The following CACNA2D3 variants were observed in gnomAD, a reference collection of about 807,000 sequenced individuals.
The protein encoded by CACNA2D3 is voltage-dependent calcium channel subunit alpha-2/delta-3.
In CACNA2D3, 60 loss-of-function variants were observed where a neutral mutation model predicts 160.6. The observed-to-expected ratio is 0.37, with a 90% CI of 0.30 to 0.46. The LOEUF is 0.46. Ranked by LOEUF, CACNA2D3 falls within the 20% of genes least tolerant of loss-of-function variation. The pLI is 1.00. For missense variants in CACNA2D3, 1,205 were observed against 1,365.0 expected, an observed-to-expected ratio of 0.88 and a Z score of 1.85; for synonymous variants, 558 against 492.9, an observed-to-expected ratio of 1.13 and a Z score of -1.75.
chr3:54,515,960 A>G (rs1422679623), intron 5 of CACNA2D3, among the ~76,000 whole-genome samples: 2 of 152,092 alleles, frequency 1.3e-5, no homozygotes, highest in African/African-American at 4.8e-5. Flanking sequence ...GACCCTCGAG[A>G]TGGGAGGCCC....
intron 14 of CACNA2D3, among the ~76,000 whole-genome samples, chr3:54,828,224 G>C (rs988236188): frequency 1.1e-4 from 17 of 152,200 alleles, no homozygotes; most frequent in African/African-American, 3.1e-4. Context: ...AACCACGTTT[G>C]TGAAAATATG....
At chr3:54,403,988 A>G (rs147761319) in intron 4 of CACNA2D3, among the ~76,000 whole-genome samples, 91 of 152,362 alleles carry the variant, frequency 6.0e-4, no homozygotes, top group African/African-American at 1.9e-3. Flanking sequence ...AGATTGAAGT[A>G]GTAATTAAAA....
chr3:54,907,195 GGATGTGGACATAAAAGACAGTGTGAACT>G (rs1700465954), intron 27 of CACNA2D3, among the ~76,000 whole-genome samples: 1 of 152,162 alleles, frequency 6.6e-6, no homozygotes, highest in South Asian at 2.1e-4. Flanking sequence ...GGTCATGGTG[GGATGTGGACATAAAAGACAGTGTGAACT>G]GAGTATTTAT....
intron 10 of CACNA2D3, among the ~76,000 whole-genome samples, chr3:54,635,899 TCAG>T (rs1699359090): frequency 1.3e-5 from 2 of 152,180 alleles, no homozygotes; most frequent in Non-Finnish European, 2.9e-5. Flanking sequence ...GGTGGCCTTC[TCAG>T]ACCCTGTAGG....
intron 31 of CACNA2D3, among the ~76,000 whole-genome samples, chr3:55,002,566 G>A (rs1215738675): frequency 6.6e-6 from 1 of 152,210 alleles, no homozygotes; most frequent in East Asian, 1.9e-4. Flanking sequence ...TTTGTGCGGG[G>A]ACATCCCCAA....
rs115788963 is a variant in CACNA2D3 at position 54,219,171 on chromosome 3, C to T, written c.204+95577C>T. 4.7e-3 allele frequency among the ~76,000 whole-genome samples: 711 copies of T among 152,306 alleles called. 4 individuals are homozygous for T. Among genetic ancestry groups the T allele is most frequent in the African/African-American group, 0.016 (649 of 41,568 alleles). ...ACTTCAATGCATGCTGGAGCTGCCTCGTACCAGCTCTCAAGAGCTGATTGT... is the reference window on the plus strand; with the variant it reads ...ACTTCAATGCATGCTGGAGCTGCCTTGTACCAGCTCTCAAGAGCTGATTGT... On this transcript the variant is annotated intron_variant, in intron 2 of 37. Coordinates refer to ENST00000474759, the MANE Select transcript of CACNA2D3 (RefSeq NM_018398.3).
chr3:55,072,888 G>A (rs566064033), intron 35 of CACNA2D3, among the ~76,000 whole-genome samples: 2 of 152,276 alleles, frequency 1.3e-5, no homozygotes, highest in Non-Finnish European at 2.9e-5. Context: ...TGGGAAGTGT[G>A]GGACCTCATA....
At chr3:54,466,024 A>G (rs183912616) in intron 4 of CACNA2D3, among the ~76,000 whole-genome samples, 11 of 152,280 alleles carry the variant, frequency 7.2e-5, no homozygotes, top group Admixed American at 5.2e-4. Flanking sequence ...CTCCACCTTC[A>G]AAACCACCAA....
chr3:54,203,096 T>C (rs1701207033), intron 2 of CACNA2D3, among the ~76,000 whole-genome samples: 1 of 152,190 alleles, frequency 6.6e-6, no homozygotes, highest in South Asian at 2.1e-4. Flanking sequence ...ATAAGCATTA[T>C]TTCTGCATGT....
rs1701771337 is a variant in CACNA2D3 at position 54,952,078 on chromosome 3, C to G, written c.2450-16372C>G. On this transcript the variant is annotated intron_variant, in intron 27 of 37. Transcript: ENST00000474759. ...TGGCCAGCTGCTCACAAACTCGTGG[C>G]CTCAAGATCTGCCCGCCTCAGCCTC... is the stretch of plus-strand genomic sequence containing the variant. 3.3e-5 allele frequency among the ~76,000 whole-genome samples: 5 copies of G among 152,100 alleles called. No homozygotes were observed. In the South Asian group the frequency reaches 1.0e-3, roughly 32 times the overall value.
At chr3:54,175,165 A>C (rs185860177) in intron 2 of CACNA2D3, among the ~76,000 whole-genome samples, 1 of 152,158 alleles carries the variant, frequency 6.6e-6, no homozygotes, top group African/African-American at 2.4e-5. Context: ...TGTCACACAC[A>C]TTGTAGCTGG....
At chr3:55,004,658 A>G in intron 31 of CACNA2D3, 105 bp from the exon 32 acceptor site, 1 of 726,312 alleles carries the variant, frequency 1.4e-6, no homozygotes, top group East Asian at 2.6e-5. Flanking sequence ...GGTGTTTGTC[A>G]CCGTTGCACT....
intron 4 of CACNA2D3, among the ~76,000 whole-genome samples, chr3:54,413,907 T>C (rs1165628654): frequency 4.6e-5 from 4 of 87,850 alleles, no homozygotes; most frequent in Non-Finnish European, 9.8e-5. Flanking sequence ...CTTTTTCTTT[T>C]TAAGTCACTT....
chr3:55,020,040 T>C (rs1575438385), intron 35 of CACNA2D3, among the ~76,000 whole-genome samples: 1 of 151,638 alleles, frequency 6.6e-6, no homozygotes, highest in East Asian at 1.9e-4. Context: ...TGAAGAAAAC[T>C]TGTAAGAATT....
At chr3:54,665,992 A>C (rs1221743383) in intron 11 of CACNA2D3, among the ~76,000 whole-genome samples, 1 of 152,000 alleles carries the variant, frequency 6.6e-6, no homozygotes, top group African/African-American at 2.4e-5. Flanking sequence ...ATGGAGTCTC[A>C]CCATGTTGCC....
intron 4 of CACNA2D3, among the ~76,000 whole-genome samples, chr3:54,453,527 G>A (rs1700345759): frequency 6.6e-6 from 1 of 152,066 alleles, no homozygotes; most frequent in Non-Finnish European, 1.5e-5. Context: ...CTTTTTGGTT[G>A]CCATTAACAG....
chr3:55,035,456 GA>G (rs2107183295), intron 35 of CACNA2D3, among the ~76,000 whole-genome samples: 1 of 152,282 alleles, frequency 6.6e-6, no homozygotes, highest in Non-Finnish European at 1.5e-5. Context: ...AAAAATTGTT[GA>G]GATTAATGGA....
chr3:54,235,503 C>T (rs561795982), intron 2 of CACNA2D3, among the ~76,000 whole-genome samples: 1 of 152,260 alleles, frequency 6.6e-6, no homozygotes, highest in Admixed American at 6.5e-5. Flanking sequence ...CTCGTGAGCA[C>T]TCACTCATTG....
intron 5 of CACNA2D3, among the ~76,000 whole-genome samples, chr3:54,553,743 G>A (rs1217933076): frequency 2.0e-5 from 3 of 152,084 alleles, no homozygotes; most frequent in Non-Finnish European, 4.4e-5. Flanking sequence ...AAATGGTATT[G>A]GGGAAAAAAA....
Sources: gnomAD v4.1 joint callset for allele counts (sites outside exome capture counted in the v4.1 genomes callset) on GRCh38, gnomAD v4.1.1 for gene constraint, MANE v1.5 for transcripts, NCBI Gene and HGNC (gene_info 2026-07-23, HGNC 2026-07-21) for gene names.